FKBP1B: variants seen among roughly 807,000 people sequenced by gnomAD.
FKBP1B encodes FKBP prolyl isomerase 1B.
FKBP1B carries 4 observed loss-of-function variants against 13.5 expected under a neutral mutation model. The ratio of observed to expected loss-of-function variants is 0.30; its 90% confidence interval spans 0.15 to 0.68. The LOEUF (loss-of-function observed/expected upper bound fraction) is 0.68, where lower values mean the gene tolerates loss of function less well. Ranked by LOEUF, FKBP1B falls within the 30% of genes least tolerant of loss-of-function variation. The probability of loss-of-function intolerance (pLI) is 0.76; values close to 1 mark genes in which losing one functional copy is unlikely to be tolerated. For synonymous variants in FKBP1B, 54 were observed against 53.6 expected, an observed-to-expected ratio of 1.01 and a Z score of -0.03; for missense variants, 93 against 136.2, an observed-to-expected ratio of 0.68 and a Z score of 1.58.
At position 24,051,000 on chromosome 2, in the gene FKBP1B, C is replaced by A. The variant is rs555322901; in HGVS notation, c.37+1114C>A. 1.2e-4 allele frequency among the ~76,000 whole-genome samples: 18 copies of A among 152,332 alleles called. No individual in the cohort carries two copies. Among genetic ancestry groups the A allele is most frequent in the African/African-American group, 4.1e-4 (17 of 41,580 alleles). ...TCAGTCTCTCCTCCCTGCTTTCAAT[C>A]TCGTCCCCAATCTCATATTCACTCC... is the stretch of plus-strand genomic sequence containing the variant. On this transcript the variant is annotated intron_variant, in intron 1 of 3. Coordinates refer to ENST00000380986, the MANE Select transcript of FKBP1B (RefSeq NM_004116.5). The surrounding 1 kb of genome is among the most constrained non-coding windows in gnomAD (Gnocchi z 5.8).
At chr2:24,041,196 G>T in the FKBP1B span, among the ~76,000 whole-genome samples, 1 of 150,874 alleles carries the variant, frequency 6.6e-6, no homozygotes, top group Non-Finnish European at 1.5e-5. Flanking sequence ...AAAATTAGCC[G>T]GGCATGGTGG....
intron 2 of FKBP1B, among the ~76,000 whole-genome samples, chr2:24,059,375 G>C (rs544781999): frequency 3.3e-5 from 5 of 149,406 alleles, no homozygotes; most frequent in Admixed American, 1.3e-4. Context: ...CAGCACCTGG[G>C]GGGGGGTTCT....
At chr2:24,038,966 T>C in the FKBP1B span, 8 of 1,614,218 alleles carry the variant, frequency 5.0e-6, no homozygotes, top group Non-Finnish European at 6.8e-6. Flanking sequence ...TGCAGGCTGC[T>C]GCCTACTGCC....
At chr2:24,034,197 G>A in the FKBP1B span, among the ~76,000 whole-genome samples, 1 of 152,154 alleles carries the variant, frequency 6.6e-6, no homozygotes, top group Non-Finnish European at 1.5e-5. Flanking sequence ...AAGGCGGGTG[G>A]ATCACTTGAG....
chr2:24,059,078 T>TG (rs1394589335), intron 2 of FKBP1B, among the ~76,000 whole-genome samples: 3 of 152,216 alleles, frequency 2.0e-5, no homozygotes, highest in Non-Finnish European at 4.4e-5. Flanking sequence ...GGAAGTGATT[T>TG]GCCCAGTCTC....
chr2:24,059,830 G>A (rs1264991900), intron 2 of FKBP1B, among the ~76,000 whole-genome samples: 2 of 146,522 alleles, frequency 1.4e-5, no homozygotes, highest in Non-Finnish European at 3.0e-5. Flanking sequence ...GGGAGGCGGA[G>A]GTTGCAGTGA....
At chr2:24,034,789 G>T in the FKBP1B span, among the ~76,000 whole-genome samples, 1 of 151,878 alleles carries the variant, frequency 6.6e-6, no homozygotes, top group Admixed American at 6.6e-5. Context: ...TGCCCAGGCT[G>T]GTCTCGAACT....
At chr2:24,061,533 A>G (rs1339269318) in intron 3 of FKBP1B, among the ~76,000 whole-genome samples, 1 of 152,218 alleles carries the variant, frequency 6.6e-6, no homozygotes, top group Non-Finnish European at 1.5e-5. Flanking sequence ...GGGGTGGAGT[A>G]GGCCAAGAAA....
intron 2 of FKBP1B, among the ~76,000 whole-genome samples, chr2:24,059,372 T>TGGA (rs1553320911): frequency 6.2e-5 from 9 of 144,476 alleles, no homozygotes; most frequent in Admixed American, 2.0e-4. Flanking sequence ...GACCAGCACC[T>TGGA]GGGGGGGGGT....
the FKBP1B span, chr2:24,038,437 A>T: frequency 1.2e-6 from 2 of 1,614,178 alleles, no homozygotes; most frequent in Admixed American, 3.3e-5. Context: ...CACTGCCACT[A>T]CGTGGGCTTT....
At position 24,050,786 on chromosome 2, in the gene FKBP1B, C is replaced by G. The variant is rs916642821; in HGVS notation, c.37+900C>G. ...AGATATTATTAATATGAACAGCTCC[C>G]CTCCCCAGGAAATTGGATAACTTCT... On this transcript the variant is annotated intron_variant, in intron 1 of 3. Transcript: ENST00000380986. The surrounding 1 kb of genome is among the most constrained non-coding windows in gnomAD (Gnocchi z 5.8). 6.6e-6 allele frequency among the ~76,000 whole-genome samples: 1 copy of G among 152,196 alleles called. No homozygotes were observed. The highest frequency in any genetic ancestry group is 1.5e-5 in the Non-Finnish European group (1 of 68,024).
the FKBP1B span, chr2:24,033,323 A>G: frequency 2.1e-5 from 7 of 334,098 alleles, no homozygotes; most frequent in South Asian, 1.9e-4. Flanking sequence ...AGGAAAAAAA[A>G]TGCCGAGAGA....
At chr2:24,057,207 T>C (rs1664166712) in intron 2 of FKBP1B, among the ~76,000 whole-genome samples, 1 of 151,892 alleles carries the variant, frequency 6.6e-6, no homozygotes, top group African/African-American at 2.4e-5. Context: ...ATTTTTGAGA[T>C]AGGATCTCAC....
intron 2 of FKBP1B, among the ~76,000 whole-genome samples, chr2:24,058,223 T>A (rs1475460218): frequency 6.6e-6 from 1 of 151,698 alleles, no homozygotes; most frequent in Non-Finnish European, 1.5e-5. Context: ...AAAAAAATTG[T>A]CTCTAGGTCA....
the FKBP1B span, chr2:24,039,648 T>C: frequency 1.4e-6 from 1 of 709,884 alleles, no homozygotes; most frequent in Non-Finnish European, 2.3e-6. Context: ...GGGAGTATTA[T>C]AAATTAAGAG....
chr2:24,040,564 AT>A, the FKBP1B span, among the ~76,000 whole-genome samples: 18 of 152,360 alleles, frequency 1.2e-4, no homozygotes, highest in African/African-American at 4.1e-4. Flanking sequence ...ACTTCATCTT[AT>A]TCAACAGCAC....
At chr2:24,039,964 AT>A in the FKBP1B span, among the ~76,000 whole-genome samples, 5 of 149,846 alleles carry the variant, frequency 3.3e-5, no homozygotes, top group Admixed American at 2.0e-4. Context: ...GGCCCAGCTA[AT>A]TTTTTTTTTA....
At position 24,049,885 on chromosome 2, in the gene FKBP1B, C is replaced by T. The variant is rs1663770618; in HGVS notation, c.36C>T (p.Asp12=). The change falls in exon 1 of 4, where the codon GAC becomes GAT. Residue 12 remains aspartate (D), a splice_region_variant and synonymous_variant. Coordinates refer to ENST00000380986, the MANE Select transcript of FKBP1B (RefSeq NM_004116.5). ...AGATCGAGACCATCTCCCCCGGAGA[C>T]GGTACCGGGCTCCCTCCGGAGCCAG... ...GVEIETISPG[D]GRTFPKKGQT... The T allele has an allele frequency of 1.4e-6, 2 of 1,413,910 alleles. No homozygotes were observed. Among genetic ancestry groups the T allele is most frequent in the Non-Finnish European group, 1.8e-6 (2 of 1,081,904 alleles). The allele number at this position is 1,413,910 out of a possible 1,614,324, so 87.6% of individuals were successfully genotyped here.
At chr2:24,061,053 G>A (rs1039968967) in intron 3 of FKBP1B, 127 bp downstream of exon 3, 3 of 682,666 alleles carry the variant, frequency 4.4e-6, no homozygotes, top group African/African-American at 1.8e-5. Flanking sequence ...CCAGGGCATG[G>A]CAACGCCATC....
Sources: gnomAD v4.1 joint callset for allele counts (sites outside exome capture counted in the v4.1 genomes callset) on GRCh38, gnomAD v4.1.1 for gene constraint, Gnocchi (gnomAD v3.1) non-coding constraint, MANE v1.5 for transcripts, NCBI Gene and HGNC (gene_info 2026-07-23, HGNC 2026-07-21) for gene names.